Variants in TSPAN5 observed in about 807,000 individuals in gnomAD.
The protein encoded by TSPAN5 is tetraspanin-5.
A neutral mutation model predicts 37.1 loss-of-function variants in TSPAN5; 10 were observed. That is an observed-to-expected ratio of 0.27 (90% CI 0.17 to 0.46). The LOEUF (loss-of-function observed/expected upper bound fraction) is 0.46. TSPAN5 is among the 20% of genes least tolerant of loss of function. The probability of loss-of-function intolerance (pLI) is 1.00; values close to 1 mark genes in which losing one functional copy is unlikely to be tolerated. For synonymous variants in TSPAN5, 110 were observed against 118.9 expected (o/e 0.93, Z 0.48); for missense variants, 195 against 326.6 (o/e 0.60, Z 3.11).
intron 1 of TSPAN5, among the ~76,000 whole-genome samples, chr4:98,563,117 C>A (rs1247163620): frequency 1.3e-5 from 2 of 152,062 alleles, no homozygotes; most frequent in African/African-American, 4.8e-5. Context: ...GCTATTACGA[C>A]CATTTTTTGG....
chr4:98,649,479 T>A (rs1208816508), intron 1 of TSPAN5, among the ~76,000 whole-genome samples: 3 of 152,228 alleles, frequency 2.0e-5, no homozygotes, highest in African/African-American at 7.2e-5. Flanking sequence ...AAGTGAAGGT[T>A]TTATTTCACT....
chr4:98,635,697 T>C (rs1756842405), intron 1 of TSPAN5, among the ~76,000 whole-genome samples: 2 of 152,166 alleles, frequency 1.3e-5, no homozygotes, highest in African/African-American at 4.8e-5. Flanking sequence ...CCATTCAAAC[T>C]GAAAAAGCAC....
intron 1 of TSPAN5, among the ~76,000 whole-genome samples, chr4:98,625,637 G>A (rs78998480): frequency 0.028 from 4,286 of 152,184 alleles, 221 homozygotes; most frequent in African/African-American, 0.096. Flanking sequence ...TCTAAAATAC[G>A]ACTCACTTGC....
intron 1 of TSPAN5, among the ~76,000 whole-genome samples, chr4:98,599,489 C>T (rs913288285): frequency 4.6e-5 from 7 of 152,134 alleles, no homozygotes; most frequent in Non-Finnish European, 1.0e-4. Flanking sequence ...TTTTGCATTA[C>T]CATTAAGTGT....
chr4:98,594,278 T>C (rs370610089), intron 1 of TSPAN5, among the ~76,000 whole-genome samples: 1 of 122,864 alleles, frequency 8.1e-6, no homozygotes, highest in South Asian at 2.7e-4. Context: ...GTGATTTTTG[T>C]ACATTGATTT....
Position 98,482,189 on chromosome 4 carries a change from C to T in TSPAN5, c.280-14G>A. The T allele has an allele frequency of 6.2e-7, 1 of 1,612,808 alleles. No homozygotes were observed. On this transcript the variant is annotated splice_polypyrimidine_tract_variant and intron_variant, in intron 3 of 7. Coordinates refer to ENST00000305798, the MANE Select transcript of TSPAN5 (RefSeq NM_005723.4). The stretch of plus-strand genomic sequence containing the variant: ...GAACACAGAAAACTAAGATAAAAGA[C>T]ACATACACAGAGAACAGTTATAAGG...
chr4:98,638,658 A>G (rs1429430408), intron 1 of TSPAN5, among the ~76,000 whole-genome samples: 1 of 152,196 alleles, frequency 6.6e-6, no homozygotes, highest in Non-Finnish European at 1.5e-5. Flanking sequence ...GCACCACCCT[A>G]CAGGAACCTC....
intron 3 of TSPAN5, chr4:98,484,449 G>C (rs904373154): frequency 4.4e-6 from 2 of 456,068 alleles, no homozygotes; most frequent in Admixed American, 4.7e-5. Flanking sequence ...GTCCTAAATG[G>C]AGAGAGGCCA....
chr4:98,477,802 G>A (rs918576488), intron 5 of TSPAN5, among the ~76,000 whole-genome samples: 1 of 151,812 alleles, frequency 6.6e-6, no homozygotes. Flanking sequence ...GGGACCACGG[G>A]TGTGTGCCAC....
intron 1 of TSPAN5, among the ~76,000 whole-genome samples, chr4:98,522,580 A>C (rs1160302247): frequency 6.6e-6 from 1 of 152,230 alleles, no homozygotes; most frequent in East Asian, 1.9e-4. Context: ...ATTCAATCAA[A>C]ACCTAAAACA....
chr4:98,562,048 A>T (rs1754892552), intron 1 of TSPAN5, among the ~76,000 whole-genome samples: 1 of 152,110 alleles, frequency 6.6e-6, no homozygotes, highest in Non-Finnish European at 1.5e-5. Context: ...TGTTTTATTC[A>T]CTGCTGAGTC....
chr4:98,658,325 C>G lies in TSPAN5; in HGVS notation c.-99G>C. ...CCGGCGGGGAGCAGGAGCTCAGGGA[C>G]ACCGCACGGGGCCGCGGCGCTGGCG... On this transcript the variant is annotated 5_prime_UTR_variant, in exon 1 of 8. Coordinates refer to ENST00000305798, the MANE Select transcript of TSPAN5 (RefSeq NM_005723.4). The G allele has an allele frequency of 9.9e-7, 1 of 1,009,282 alleles. No individual in the cohort carries two copies. Among genetic ancestry groups the G allele is most frequent in the Admixed American group, 1.7e-5 (1 of 57,432 alleles). The allele number at this position is 1,009,282 out of a possible 1,614,324, so 62.5% of individuals were successfully genotyped here. A position where few individuals can be genotyped will look rare whatever the true frequency, so the allele number is the denominator to read the frequency against.
chr4:98,488,807 C>G (rs1216862665), intron 2 of TSPAN5, among the ~76,000 whole-genome samples: 1 of 152,174 alleles, frequency 6.6e-6, no homozygotes, highest in Non-Finnish European at 1.5e-5. Flanking sequence ...AATCCCAACA[C>G]TTTGGGAGGC....
intron 1 of TSPAN5, among the ~76,000 whole-genome samples, chr4:98,568,148 AGATG>A (rs1272848440): frequency 6.6e-6 from 1 of 152,214 alleles, no homozygotes; most frequent in Non-Finnish European, 1.5e-5. Flanking sequence ...GAGATAGGCA[AGATG>A]GGTTTTTAGA....
At position 98,535,844 on chromosome 4, in the gene TSPAN5, T is replaced by C. The variant is rs1349203463; in HGVS notation, c.82-28116A>G. Reference sequence around the variant, plus strand: ...TGATTCGGCTGTTGATACTTGTATATGCTTCACGAAGTTCTTGTGCTGTTT... The same window carrying C: ...TGATTCGGCTGTTGATACTTGTATACGCTTCACGAAGTTCTTGTGCTGTTT... On this transcript the variant is annotated intron_variant, in intron 1 of 7. Coordinates refer to ENST00000305798, the MANE Select transcript of TSPAN5 (RefSeq NM_005723.4). Among the ~76,000 whole-genome samples the C allele has an allele frequency of 2.0e-5, 3 of 152,238 alleles. 1 individual carries two copies. Among genetic ancestry groups the C allele is most frequent in the Non-Finnish European group, 2.9e-5 (2 of 68,038 alleles).
chr4:98,624,921 TACAGAGA>T, intron 1 of TSPAN5, among the ~76,000 whole-genome samples: 1 of 152,190 alleles, frequency 6.6e-6, no homozygotes, highest in Non-Finnish European at 1.5e-5. Flanking sequence ...ATTCCTCCTA[TACAGAGA>T]GGCATTAATG....
intron 1 of TSPAN5, among the ~76,000 whole-genome samples, chr4:98,558,122 G>A (rs1471474317): frequency 1.3e-5 from 2 of 152,184 alleles, no homozygotes; most frequent in South Asian, 2.1e-4. Context: ...ATATTAACAT[G>A]TAAGGTGTTA....
chr4:98,539,493 C>T (rs1237714835), intron 1 of TSPAN5, among the ~76,000 whole-genome samples: 3 of 152,106 alleles, frequency 2.0e-5, no homozygotes, highest in Non-Finnish European at 2.9e-5. Context: ...GGAATAAAAT[C>T]AAGAAGCTCC....
intron 2 of TSPAN5, among the ~76,000 whole-genome samples, chr4:98,505,292 A>T (rs1753451450): frequency 6.6e-6 from 1 of 152,134 alleles, no homozygotes; most frequent in East Asian, 1.9e-4. Context: ...TACCTAGAAT[A>T]TATCCAAACT....
Sources: gnomAD v4.1 joint callset for allele counts (sites outside exome capture counted in the v4.1 genomes callset) on GRCh38, gnomAD v4.1.1 for gene constraint, MANE v1.5 for transcripts, NCBI Gene and HGNC (gene_info 2026-07-23, HGNC 2026-07-21) for gene names.